The following CTNNA2 variants were observed in gnomAD, a reference collection of about 807,000 sequenced individuals.
CTNNA2 encodes the protein catenin alpha-2.
CTNNA2 carries 42 observed loss-of-function variants against 101.0 expected under a neutral mutation model. That is an observed-to-expected ratio of 0.42 (90% CI 0.32 to 0.54). The LOEUF is 0.54. CTNNA2 is among the 20% of genes least tolerant of loss of function. CTNNA2 has a pLI of 0.14. For synonymous variants in CTNNA2, 450 were observed against 456.4 expected (o/e 0.99, Z 0.18); for missense variants, 871 against 1,223.1 (o/e 0.71, Z 4.29).
At chr2:79,653,488 C>T (rs919679031) in intron 2 of CTNNA2, among the ~76,000 whole-genome samples, 1 of 152,134 alleles carries the variant, frequency 6.6e-6, no homozygotes, top group Non-Finnish European at 1.5e-5. Context: ...CCATTTTTGG[C>T]CTCTGTTGAA....
chr2:79,625,577 G>C (rs1283089957), intron 1 of CTNNA2, among the ~76,000 whole-genome samples: 1 of 152,192 alleles, frequency 6.6e-6, no homozygotes, highest in Non-Finnish European at 1.5e-5. Flanking sequence ...GTGGGTTGGA[G>C]TTAAAGAAGC....
chr2:79,448,032 G>C (rs1232459642), intron 4 of CTNNA2, among the ~76,000 whole-genome samples: 1 of 152,024 alleles, frequency 6.6e-6, no homozygotes, highest in Non-Finnish European at 1.5e-5. Flanking sequence ...ACATCCTGAA[G>C]TTAATTTCCA....
chr2:80,058,447 T>G (rs1414527149), intron 7 of CTNNA2, among the ~76,000 whole-genome samples: 1 of 152,166 alleles, frequency 6.6e-6, no homozygotes, highest in African/African-American at 2.4e-5. Context: ...TGCTATATTG[T>G]TTTGATATTT....
chr2:80,399,643 G>A (rs955281715), intron 8 of CTNNA2, among the ~76,000 whole-genome samples: 1 of 152,146 alleles, frequency 6.6e-6, no homozygotes, highest in Non-Finnish European at 1.5e-5. Flanking sequence ...TCAAGGAAAA[G>A]TGGGAAGGGA....
intron 7 of CTNNA2, among the ~76,000 whole-genome samples, chr2:80,252,669 A>T (rs1040383893): frequency 6.6e-6 from 1 of 152,176 alleles, no homozygotes; most frequent in Admixed American, 6.5e-5. Flanking sequence ...GCAGATGGAA[A>T]ATAAATTGCC....
At chr2:79,247,980 A>G (rs2104267051) in intron 2 of CTNNA2, among the ~76,000 whole-genome samples, 1 of 152,332 alleles carries the variant, frequency 6.6e-6, no homozygotes, top group African/African-American at 2.4e-5. Flanking sequence ...GGCTTCCAGA[A>G]CTATGAAAAA....
At chr2:79,514,434 T>A (rs752067420) in intron 1 of CTNNA2, among the ~76,000 whole-genome samples, 5 of 152,208 alleles carry the variant, frequency 3.3e-5, no homozygotes, top group Non-Finnish European at 4.4e-5. Context: ...CTTACACCAA[T>A]GGAAAAGTTG....
At chr2:79,687,468 T>A (rs1345480039) in intron 2 of CTNNA2, 6 of 524,578 alleles carry the variant, frequency 1.1e-5, no homozygotes, top group Non-Finnish European at 1.4e-5. Context: ...TACCTTCAGA[T>A]AATTTTGATT....
At chr2:79,258,178 G>A (rs1229499483) in intron 2 of CTNNA2, among the ~76,000 whole-genome samples, 5 of 152,156 alleles carry the variant, frequency 3.3e-5, no homozygotes, top group African/African-American at 1.2e-4. Context: ...TTGATGAGGG[G>A]CAGGGGGTGG....
chr2:79,251,396 A>T (rs1572999406), intron 2 of CTNNA2, among the ~76,000 whole-genome samples: 3 of 152,272 alleles, frequency 2.0e-5, no homozygotes, highest in Admixed American at 2.0e-4. Context: ...TGTGATTGTC[A>T]GCCTCTAAGA....
In CTNNA2 at chr2:80,367,332, C is replaced by A. The variant is rs1453976865; in HGVS notation, c.1057-25879C>A. ...GGTTTGAGACCTCCGACTGACTAGT[C>A]TTGTAACCACAGGCAAATTTCTTAA... On this transcript the variant is annotated intron_variant, in intron 7 of 18. Coordinates refer to ENST00000402739, the MANE Select transcript of CTNNA2 (RefSeq NM_001282597.3). Among the ~76,000 whole-genome samples, 3 of 152,082 alleles carry A rather than the reference C, an allele frequency of 2.0e-5. No homozygotes were observed. In the East Asian group the frequency reaches 5.8e-4, roughly 29 times the overall value.
chr2:80,417,204 A>T (rs1430884094), intron 8 of CTNNA2, among the ~76,000 whole-genome samples: 1 of 151,614 alleles, frequency 6.6e-6, no homozygotes, highest in African/African-American at 2.4e-5. Context: ...TAATATATGT[A>T]TATATTATGA....
chr2:80,131,481 C>T (rs761950335), intron 7 of CTNNA2, among the ~76,000 whole-genome samples: 6 of 152,210 alleles, frequency 3.9e-5, no homozygotes, highest in Admixed American at 6.5e-5. Flanking sequence ...ATGGTAATGA[C>T]GGTATAAAAT....
intron 7 of CTNNA2, among the ~76,000 whole-genome samples, chr2:79,934,193 A>T (rs1034132793): frequency 1.3e-5 from 2 of 152,238 alleles, no homozygotes; most frequent in African/African-American, 4.8e-5. Flanking sequence ...AATACATTTT[A>T]AAAAGAAATT....
intron 7 of CTNNA2, among the ~76,000 whole-genome samples, chr2:80,233,524 A>T (rs1390539576): frequency 6.6e-6 from 1 of 152,290 alleles, no homozygotes; most frequent in East Asian, 1.9e-4. Context: ...CCCCCAAATT[A>T]ATTTTAGCAT....
intron 2 of CTNNA2, among the ~76,000 whole-genome samples, chr2:79,252,854 T>G (rs1376719490): frequency 1.3e-5 from 2 of 152,098 alleles, no homozygotes; most frequent in East Asian, 3.9e-4. Context: ...GGTTGAGAGC[T>G]GGCAGTGAAA....
In CTNNA2 at chr2:80,625,962, A is replaced by G. The variant is rs139613978; in HGVS notation, c.2574+6734A>G. Among the ~76,000 whole-genome samples, 578 of 152,250 alleles carry G rather than the reference A, an allele frequency of 3.8e-3. 7 individuals are homozygous for G. The highest frequency in any genetic ancestry group is 0.013 in the African/African-American group (546 of 41,566). ...CCTTTTTAAGAAAAGATTATGCCAT[A>G]GAAACCTACAGAATTTTTTCCCAAA... On this transcript the variant is annotated intron_variant, in intron 18 of 18. Coordinates refer to ENST00000402739, the MANE Select transcript of CTNNA2 (RefSeq NM_001282597.3).
intron 7 of CTNNA2, among the ~76,000 whole-genome samples, chr2:80,243,277 T>A (rs983830700): frequency 6.6e-6 from 1 of 152,348 alleles, no homozygotes; most frequent in African/African-American, 2.4e-5. Context: ...TATTGGGATA[T>A]AATTGTTATC....
At chr2:79,743,717 A>G (rs1385762975) in intron 2 of CTNNA2, among the ~76,000 whole-genome samples, 2 of 151,950 alleles carry the variant, frequency 1.3e-5, no homozygotes, top group South Asian at 4.2e-4. Flanking sequence ...TATTTTTAGT[A>G]TAGATGAGGT....
Sources: gnomAD v4.1 joint callset for allele counts (sites outside exome capture counted in the v4.1 genomes callset) on GRCh38, gnomAD v4.1.1 for gene constraint, MANE v1.5 for transcripts, NCBI Gene and HGNC (gene_info 2026-07-23, HGNC 2026-07-21) for gene names.